Variants in FMN2 observed in about 807,000 individuals in gnomAD.
The protein encoded by FMN2 is formin-2.
A neutral mutation model predicts 142.3 loss-of-function variants in FMN2; 51 were observed. The ratio of observed to expected loss-of-function variants is 0.36; its 90% CI spans 0.29 to 0.45. The LOEUF (loss-of-function observed/expected upper bound fraction) is 0.45, where lower values mean the gene tolerates loss of function less well. Among genes scored for constraint, FMN2 ranks in the 20% least tolerant of loss-of-function variants. FMN2 has a pLI of 1.00. For missense variants in FMN2, 1,936 were observed against 2,122.8 expected (o/e 0.91, Z 1.73); for synonymous variants, 882 against 869.8 (o/e 1.01, Z -0.25).
rs145163287 is a variant in FMN2, at chr1:240,224,575, A to C, written c.4065+13340A>C. On this transcript the variant is annotated intron_variant, in intron 6 of 17. Coordinates refer to ENST00000319653, the MANE Select transcript of FMN2 (RefSeq NM_020066.5). ...AATTTTCTGTCTCGTTGATCTGTCAAATGTTGACAGTGGGGTGTTAAAATC... is the reference window on the plus strand; with the variant it reads ...AATTTTCTGTCTCGTTGATCTGTCACATGTTGACAGTGGGGTGTTAAAATC... Among the ~76,000 whole-genome samples, 1,061 of 152,180 alleles carry C rather than the reference A, an allele frequency of 7.0e-3. 14 individuals carry two copies. The highest frequency in any genetic ancestry group is 0.024 in the African/African-American group (1,004 of 41,504).
Position 240,144,627 on chromosome 1 carries a change from A to G in FMN2, c.1782+21282A>G, listed in dbSNP as rs112469544. The stretch of plus-strand genomic sequence containing the variant: ...AACTTTCAGAACACACCCAGGGCAC[A>G]ACGCAGTAGGACTGAGTTCTCAGGC... On this transcript the variant is annotated intron_variant, in intron 2 of 17. Transcript: ENST00000319653. The G allele has an allele frequency of 4.5e-3, 5,762 of 1,291,074 alleles. 210 individuals carry two copies. In the African/African-American group the frequency reaches 0.075, roughly 17 times the overall value. 80.0% of individuals were successfully genotyped at this position (1,291,074 alleles called of 1,614,324 possible).
chr1:240,147,359 C>CT (rs1663533515), intron 2 of FMN2, among the ~76,000 whole-genome samples: 1 of 152,138 alleles, frequency 6.6e-6, no homozygotes, highest in Non-Finnish European at 1.5e-5. Context: ...ATCTGTTGGC[C>CT]TTTTTTCTCT....
rs1331876691 is a variant in FMN2 at position 240,228,317 on chromosome 1, AAAAAAAAAAAAAAAAGAAAAAG to A, written c.4065+17088_4065+17109del. 1.9e-3 allele frequency among the ~76,000 whole-genome samples: 195 copies of A among 103,816 alleles called. 5 individuals carry two copies. The highest frequency in any genetic ancestry group is 9.2e-3 in the African/African-American group (181 of 19,588). The allele number at this position is 103,816 out of a possible 152,430, so 68.1% of individuals were successfully genotyped here. ...AAACTCTGTCTCAAAAAAAAAAAAAAAAAAAAAAAAAAAAAGAAAAAGAAAAAGAAAAAGAAAGAAAAAAAAT... is the reference window on the plus strand; with the variant it reads ...AAACTCTGTCTCAAAAAAAAAAAAAAAAAAAGAAAAAGAAAGAAAAAAAAT... On this transcript the variant is annotated intron_variant, in intron 6 of 17. Coordinates refer to ENST00000319653, the MANE Select transcript of FMN2 (RefSeq NM_020066.5).
At chr1:240,311,484 G>C (rs1299182960) in intron 8 of FMN2, among the ~76,000 whole-genome samples, 2 of 151,862 alleles carry the variant, frequency 1.3e-5, no homozygotes, top group Non-Finnish European at 2.9e-5. Flanking sequence ...TTGGTTCATG[G>C]AATCCCTGCA....
chr1:240,112,390 A>G (rs1661846463), intron 1 of FMN2, among the ~76,000 whole-genome samples: 1 of 152,014 alleles, frequency 6.6e-6, no homozygotes, highest in East Asian at 2.0e-4. Flanking sequence ...TCGGCCTCCC[A>G]AAGTGCTGGG....
rs564501614 is a variant in FMN2 at position 240,101,187 on chromosome 1, A to T, written c.1615+7463A>T. ...TCTTGTTAATACCCTGGCTTCCCAG[A>T]TTGGAAGAGTGAATGCAATCTTGCT... On this transcript the variant is annotated intron_variant, in intron 1 of 17. Coordinates refer to ENST00000319653, the MANE Select transcript of FMN2 (RefSeq NM_020066.5). Among the ~76,000 whole-genome samples, 106 of 152,300 alleles carry T rather than the reference A, an allele frequency of 7.0e-4. 1 individual carries two copies. Among genetic ancestry groups the T allele is most frequent in the Non-Finnish European group, 9.7e-4 (66 of 68,024 alleles).
chr1:240,106,954 T>G (rs116467754), intron 1 of FMN2, among the ~76,000 whole-genome samples: 4,693 of 151,568 alleles, frequency 0.031, 183 homozygotes, highest in African/African-American at 0.099. Context: ...AAAGTGCCGG[T>G]TTTACAGGCA....
At chr1:240,317,883 A>G (rs1164418529) in intron 8 of FMN2, among the ~76,000 whole-genome samples, 1 of 152,164 alleles carries the variant, frequency 6.6e-6, no homozygotes, top group African/African-American at 2.4e-5. Context: ...TGAGAGGTCC[A>G]ATTTTGCTGC....
intron 8 of FMN2, among the ~76,000 whole-genome samples, chr1:240,313,838 G>C (rs1670674233): frequency 6.6e-6 from 1 of 151,964 alleles, no homozygotes; most frequent in South Asian, 2.1e-4. Flanking sequence ...GCTGGGCGTG[G>C]CGATGTGTGC....
At position 240,285,914 on chromosome 1, in the gene FMN2, G is replaced by T. The variant is rs577146992; in HGVS notation, c.4154-8908G>T. 1.9e-3 allele frequency among the ~76,000 whole-genome samples: 286 copies of T among 151,548 alleles called. 2 individuals are homozygous for T. The highest frequency in any genetic ancestry group is 5.9e-3 in the Admixed American group (89 of 15,212). On this transcript the variant is annotated intron_variant, in intron 7 of 17. Transcript: ENST00000319653. ...TATTTTTTTTTCCTTTTTTTCCCCC[G>T]CTCTGGTTTCTAACATCCCTTGTAG... is the stretch of plus-strand genomic sequence containing the variant.
At chr1:240,194,599 A>G (rs1289452619) in intron 4 of FMN2, among the ~76,000 whole-genome samples, 1 of 152,346 alleles carries the variant, frequency 6.6e-6, no homozygotes, top group East Asian at 1.9e-4. Flanking sequence ...ACTGGCAGTT[A>G]TAAGTTAGGA....
Position 240,091,969 on chromosome 1 carries a change from C to T in FMN2, c.-141C>T. Reference sequence around the variant, plus strand: ...AGATGCGAGCGGGGCCAGCCGGGCGCGCGTCGGCCTCCCCTCCCAGCGGCT... The same window carrying T: ...AGATGCGAGCGGGGCCAGCCGGGCGTGCGTCGGCCTCCCCTCCCAGCGGCT... On this transcript the variant is annotated 5_prime_UTR_variant, in exon 1 of 18. Coordinates refer to ENST00000319653, the MANE Select transcript of FMN2 (RefSeq NM_020066.5). The T allele has an allele frequency of 6.0e-6, 8 of 1,327,990 alleles. No homozygotes were observed. The highest frequency in any genetic ancestry group is 7.8e-6 in the Non-Finnish European group (8 of 1,030,784). 82.3% of individuals were successfully genotyped at this position (1,327,990 alleles called of 1,614,324 possible). A position where few individuals can be genotyped will look rare whatever the true frequency, so the allele number is the denominator to read the frequency against.
intron 2 of FMN2, chr1:240,170,255 C>T (rs1039899137): frequency 1.6e-6 from 2 of 1,223,794 alleles, no homozygotes; most frequent in Non-Finnish European, 2.4e-6. Flanking sequence ...GAGGTGGCAC[C>T]CCTAAAGGCT....
chr1:240,358,292 T>A (rs908566024), intron 14 of FMN2, among the ~76,000 whole-genome samples: 1 of 152,118 alleles, frequency 6.6e-6, no homozygotes, highest in African/African-American at 2.4e-5. Context: ...AAAAACAACA[T>A]AAACAACAGA....
rs1227674910 is a variant in FMN2, at chr1:240,207,568, G to A, written c.2756G>A (p.Gly919Asp). 1.2e-6 allele frequency: 2 copies of A among 1,607,204 alleles called. No individual in the cohort carries two copies. The highest frequency in any genetic ancestry group is 1.1e-5 in the South Asian group (1 of 90,404). ...PPPPPPLPGA[G>D]IPPPPPLPGA... ...CCTCCCCCTCCTCTTCCCGGAGCGGGCATACCTCCTCCGCCGCCTCTACCC... is the reference window on the plus strand; with the variant it reads ...CCTCCCCCTCCTCTTCCCGGAGCGGACATACCTCCTCCGCCGCCTCTACCC... The change falls in exon 5 of 18, where the codon GGC becomes GAC. Residue 919 changes from glycine to aspartate, a missense_variant. Around this residue, in one of 8 missense-constraint regions of FMN2, gnomAD observed 478 missense variants for 462.8 expected, o/e 1.03. Transcript: ENST00000319653.
chr1:240,251,909 TTTTA>T (rs1485716525), intron 6 of FMN2, among the ~76,000 whole-genome samples: 1 of 152,182 alleles, frequency 6.6e-6, no homozygotes, highest in Non-Finnish European at 1.5e-5. Flanking sequence ...TTTTATTTTG[TTTTA>T]TTTATTTATT....
chr1:240,104,882 A>AT (rs1661545574), intron 1 of FMN2, among the ~76,000 whole-genome samples: 1 of 152,002 alleles, frequency 6.6e-6, no homozygotes, highest in Admixed American at 6.6e-5. Flanking sequence ...CATTCCCTAG[A>AT]TTTTATTTAA....
At chr1:240,299,618 C>T (rs58404412) in intron 8 of FMN2, among the ~76,000 whole-genome samples, 3,880 of 152,122 alleles carry the variant, frequency 0.026, 178 homozygotes, top group African/African-American at 0.088. Context: ...TTAGGGCAAA[C>T]TGAGTAGATT....
intron 4 of FMN2, among the ~76,000 whole-genome samples, chr1:240,203,656 A>T (rs556998798): frequency 3.3e-5 from 5 of 152,190 alleles, no homozygotes; most frequent in African/African-American, 9.6e-5. Flanking sequence ...GGGGCCTTTT[A>T]GGAGGAGTAT....
Sources: gnomAD v4.1 joint callset for allele counts (sites outside exome capture counted in the v4.1 genomes callset) on GRCh38, gnomAD v4.1.1 for gene constraint, gnomAD v4.1.1 regional missense constraint, MANE v1.5 for transcripts, NCBI Gene and HGNC (gene_info 2026-07-23, HGNC 2026-07-21) for gene names.